The following SSB variants were observed in gnomAD, a reference collection of about 807,000 sequenced individuals.
SSB encodes the protein lupus La protein.
Under a neutral mutation model 52.9 loss-of-function variants are expected in SSB, and 17 were observed. That is an observed-to-expected ratio of 0.32 (90% confidence interval 0.22 to 0.48). SSB has a LOEUF of 0.48. Among genes scored for constraint, SSB ranks in the 20% least tolerant of loss-of-function variants. The probability of loss-of-function intolerance (pLI) is 0.99; values close to 1 mark genes in which losing one functional copy is unlikely to be tolerated. For synonymous variants in SSB, 111 were observed against 152.1 expected (o/e 0.73, Z 1.99); for missense variants, 314 against 463.6 (o/e 0.68, Z 2.96).
intron 1 of SSB, among the ~76,000 whole-genome samples, chr2:169,800,534 C>CA (rs59743225): frequency 0.23 from 18,170 of 78,072 alleles, 2,516 homozygotes; most frequent in East Asian, 0.46. Context: ...GACTCCGTCT[C>CA]AAAAAAAAAA....
At position 169,807,393 on chromosome 2, in the gene SSB, A is replaced by G. The variant is rs973220467; in HGVS notation, c.554+322A>G. Among the ~76,000 whole-genome samples, 13 of 151,672 alleles carry G rather than the reference A, an allele frequency of 8.6e-5. No homozygotes were observed. The South Asian group carries it at 1.5e-3, about 17-fold the overall frequency. ...AACCTCTGCTTCCTGGGTTCAAGCGATTCTCCTGCCTCAGCCTCCTGAGTA... is the reference window on the plus strand; with the variant it reads ...AACCTCTGCTTCCTGGGTTCAAGCGGTTCTCCTGCCTCAGCCTCCTGAGTA... On this transcript the variant is annotated intron_variant, in intron 6 of 11. Transcript: ENST00000260956.
At chr2:169,806,378 C>T (rs1013663768) in intron 4 of SSB, among the ~76,000 whole-genome samples, 2 of 152,088 alleles carry the variant, frequency 1.3e-5, no homozygotes, top group Non-Finnish European at 2.9e-5. Context: ...ATTCTAAGCA[C>T]CTATTGCCTA....
At chr2:169,800,257 G>T (rs530706573) in intron 1 of SSB, among the ~76,000 whole-genome samples, 54 of 152,294 alleles carry the variant, frequency 3.5e-4, no homozygotes, top group African/African-American at 1.1e-3. Flanking sequence ...GAGGCCGGGC[G>T]CGGTGGCTCA....
chr2:169,799,000 G>A (rs1001586899), intron 1 of SSB, 24 bp downstream of exon 1: 1 of 151,312 alleles, frequency 6.6e-6, no homozygotes, highest in Non-Finnish European at 1.5e-5. Context: ...GGTGGCTAAT[G>A]AGAAGCTACA....
Position 169,806,951 on chromosome 2 carries a change from A to G in SSB, c.454-20A>G. The G allele has an allele frequency of 6.2e-7, 1 of 1,611,018 alleles. No individual in the cohort carries two copies. Among genetic ancestry groups the G allele is most frequent in the Non-Finnish European group, 8.5e-7 (1 of 1,178,904 alleles). On this transcript the variant is annotated intron_variant, in intron 5 of 11. Transcript: ENST00000260956. Reference sequence around the variant, plus strand: ...TATATGGGACATAACTTAAAAAAATATTTTCCTTCCTTTTTACAGGGATCA... The same window carrying G: ...TATATGGGACATAACTTAAAAAAATGTTTTCCTTCCTTTTTACAGGGATCA...
At chr2:169,810,570 G>T in intron 9 of SSB, 147 bp downstream of exon 9, 1 of 764,942 alleles carries the variant, frequency 1.3e-6, no homozygotes, top group East Asian at 2.9e-5. Flanking sequence ...TGTGATGTCT[G>T]ATATTTTCTG....
rs761113477 is a variant in SSB, at chr2:169,808,821, G to C, written c.627-39G>C. The C allele has an allele frequency of 2.8e-6, 4 of 1,437,868 alleles. No homozygotes were observed. In the Admixed American group the frequency reaches 5.2e-5, roughly 19 times the overall value. 89.1% of individuals were successfully genotyped at this position (1,437,868 alleles called of 1,614,324 possible). ...TATTAGGACTTAATTTTCTTATATA[G>C]TAAATAGAAGTATGTTATAATTATA... On this transcript the variant is annotated intron_variant, in intron 7 of 11. Coordinates refer to ENST00000260956, the MANE Select transcript of SSB (RefSeq NM_003142.5).
At chr2:169,806,148 T>G in intron 4 of SSB, 1 of 326,110 alleles carries the variant, frequency 3.1e-6, no homozygotes, top group Non-Finnish European at 5.9e-6. Flanking sequence ...AAATTTTTTG[T>G]AGAGACGGGT....
At chr2:169,800,534 C>CAAAAAAA (rs59743225) in intron 1 of SSB, among the ~76,000 whole-genome samples, 6,504 of 75,512 alleles carry the variant, frequency 0.086, 573 homozygotes, top group Admixed American at 0.13. Context: ...GACTCCGTCT[C>CAAAAAAA]AAAAAAAAAA....
chr2:169,805,932 T>C (rs1689820050), intron 4 of SSB, 93 bp downstream of exon 4: 2 of 1,155,128 alleles, frequency 1.7e-6, no homozygotes, highest in Non-Finnish European at 2.5e-6. Flanking sequence ...GCCTCACTAA[T>C]TACTGTATGT....
intron 9 of SSB, 145 bp from the exon 10 acceptor site, chr2:169,810,713 T>C: frequency 2.5e-6 from 2 of 801,156 alleles, no homozygotes; most frequent in South Asian, 3.9e-5. Context: ...TTCTGTAGCA[T>C]TCCTTTTCTA....
chr2:169,809,837 C>T (rs976565658), intron 8 of SSB, among the ~76,000 whole-genome samples: 3 of 151,890 alleles, frequency 2.0e-5, no homozygotes, highest in African/African-American at 4.8e-5. Context: ...AGGATGCTCT[C>T]GATCTCTTGA....
intron 7 of SSB, 53 bp from the exon 8 acceptor site, chr2:169,808,807 A>C: frequency 7.2e-7 from 1 of 1,379,544 alleles, no homozygotes; most frequent in Non-Finnish European, 1.0e-6. Flanking sequence ...ATTAGGACTT[A>C]ATTTTCTTAT....
intron 7 of SSB, 134 bp from the exon 8 acceptor site, chr2:169,808,726 G>A: frequency 1.0e-6 from 1 of 999,872 alleles, no homozygotes; most frequent in Non-Finnish European, 1.5e-6. Context: ...GTCTAGCATT[G>A]GACGATCAAA....
In SSB at chr2:169,806,820, A is replaced by G; in HGVS notation, c.381A>G (p.Ile127Met). The change falls in exon 5 of 12, where the codon ATA becomes ATG. Residue 127 changes from isoleucine (I) to methionine (M), a missense_variant. Coordinates refer to ENST00000260956, the MANE Select transcript of SSB (RefSeq NM_003142.5). Reference sequence around the variant, plus strand: ...CAACTGATGCAACTCTTGATGACATAAAAGAATGGTTAGAAGATAAAGGTC... The same window carrying G: ...CAACTGATGCAACTCTTGATGACATGAAAGAATGGTTAGAAGATAAAGGTC... ...GFPTDATLDD[I>M]KEWLEDKGQV... 1 of 1,613,186 alleles carries G rather than the reference A, an allele frequency of 6.2e-7. No individual in the cohort carries two copies.
Position 169,811,747 on chromosome 2 carries a change from A to G in SSB, c.1218A>G (p.Gly406=), listed in dbSNP as rs1449105048. The G allele has an allele frequency of 5.6e-6, 9 of 1,613,454 alleles. No homozygotes were observed. Among genetic ancestry groups the G allele is most frequent in the Non-Finnish European group, 7.6e-6 (9 of 1,179,744 alleles). ...SKQQKTENGA[G]DQ Reference sequence around the variant, plus strand: ...AACAGAAAACAGAAAATGGTGCTGGAGACCAGTAGTTTAGTAAACCAATTT... The same window carrying G: ...AACAGAAAACAGAAAATGGTGCTGGGGACCAGTAGTTTAGTAAACCAATTT... The change falls in exon 12 of 12, where the codon GGA becomes GGG. Residue 406 remains glycine, a synonymous_variant. Transcript: ENST00000260956.
chr2:169,801,313 A>T (rs570762801), intron 2 of SSB, among the ~76,000 whole-genome samples: 2 of 152,268 alleles, frequency 1.3e-5, no homozygotes, highest in African/African-American at 4.8e-5. Flanking sequence ...ATAAAATGAG[A>T]ATAATAGTAG....
At chr2:169,807,737 CTTTT>C (rs55845251) in intron 6 of SSB, among the ~76,000 whole-genome samples, 6 of 74,046 alleles carry the variant, frequency 8.1e-5, no homozygotes, top group Middle Eastern at 0.014. Flanking sequence ...GCCTATATGT[CTTTT>C]TTTTTTTTTT....
intron 8 of SSB, among the ~76,000 whole-genome samples, chr2:169,809,502 A>T (rs1689899107): frequency 6.6e-6 from 1 of 152,248 alleles, no homozygotes; most frequent in African/African-American, 2.4e-5. Flanking sequence ...TTCTAATCAT[A>T]GGTTAATACT....
Sources: gnomAD v4.1 joint callset for allele counts (sites outside exome capture counted in the v4.1 genomes callset) on GRCh38, gnomAD v4.1.1 for gene constraint, MANE v1.5 for transcripts, NCBI Gene and HGNC (gene_info 2026-07-23, HGNC 2026-07-21) for gene names.